Variants in SEC14L5 observed in about 807,000 individuals in gnomAD.
SEC14L5 encodes the protein SEC14 like lipid binding 5, also known as SEC14-like protein 5.
Under a neutral mutation model 84.6 loss-of-function variants are expected in SEC14L5, and 96 were observed. The ratio of observed to expected loss-of-function variants is 1.13; its 90% CI spans 0.96 to 1.34. The LOEUF is 1.34. Among genes scored for constraint, SEC14L5 ranks in the 40% most tolerant of loss-of-function variants. The pLI is 0.00. For synonymous variants in SEC14L5, 546 were observed against 383.4 expected (o/e 1.42, Z -4.95); for missense variants, 1,224 against 942.5 (o/e 1.30, Z -3.91).
At chr16:5,001,057 C>T in intron 10 of SEC14L5, 132 bp downstream of exon 10, 1 of 706,328 alleles carries the variant, frequency 1.4e-6, no homozygotes, top group Non-Finnish European at 2.4e-6. Context: ...CTACAGTGGT[C>T]TTCTGGGCCT....
intron 10 of SEC14L5, among the ~76,000 whole-genome samples, chr16:5,001,733 AG>A (rs1955680530): frequency 6.6e-6 from 1 of 151,920 alleles, no homozygotes; most frequent in Admixed American, 6.6e-5. Flanking sequence ...CCCCAAAGGC[AG>A]CAAACCTTTC....
intron 4 of SEC14L5, among the ~76,000 whole-genome samples, chr16:4,989,298 G>GTT (rs35333505): frequency 3.1e-4 from 44 of 142,026 alleles, no homozygotes; most frequent in Non-Finnish European, 6.1e-4. Flanking sequence ...CATTGTACGT[G>GTT]TTTTTTTTTT....
intron 6 of SEC14L5, among the ~76,000 whole-genome samples, chr16:4,993,959 T>G (rs2972266): frequency 1.4e-5 from 2 of 146,996 alleles, no homozygotes; most frequent in Admixed American, 1.4e-4. Context: ...GTTTAGTGAC[T>G]GTTTTCCTTT....
intron 7 of SEC14L5, among the ~76,000 whole-genome samples, 193 bp downstream of exon 7, chr16:4,996,653 C>A (rs146289404): frequency 6.6e-6 from 1 of 151,946 alleles, no homozygotes; most frequent in African/African-American, 2.4e-5. Flanking sequence ...CTCACTGCAA[C>A]CTTCGCCTCC....
intron 2 of SEC14L5, among the ~76,000 whole-genome samples, chr16:4,967,611 C>T (rs1032511094): frequency 1.6e-5 from 2 of 122,112 alleles, no homozygotes; most frequent in East Asian, 2.3e-4. Context: ...GTTGCTCTGT[C>T]GCCCAGACTA....
chr16:5,014,790 C>A, intron 15 of SEC14L5, 69 bp from the exon 16 acceptor site: 2 of 1,217,308 alleles, frequency 1.6e-6, no homozygotes, highest in Non-Finnish European at 2.4e-6. Context: ...AGCTTTTCCA[C>A]TGCTGTGTGT....
intron 2 of SEC14L5, among the ~76,000 whole-genome samples, chr16:4,961,271 T>TCAA (rs940125716): frequency 1.3e-5 from 2 of 151,428 alleles, no homozygotes; most frequent in Non-Finnish European, 2.9e-5. Context: ...AGACTCCGTC[T>TCAA]CAACAACAAC....
At chr16:5,013,270 G>C (rs1212676016) in intron 15 of SEC14L5, among the ~76,000 whole-genome samples, 2 of 152,226 alleles carry the variant, frequency 1.3e-5, no homozygotes, top group African/African-American at 4.8e-5. Context: ...AGCCTTGCCA[G>C]AGCACAGGAC....
intron 2 of SEC14L5, among the ~76,000 whole-genome samples, chr16:4,967,562 G>GTT (rs869061549): frequency 4.0e-4 from 15 of 37,062 alleles, no homozygotes; most frequent in Non-Finnish European, 6.0e-4. Context: ...TCTTTCTTTC[G>GTT]TTTTTTTTTT....
At chr16:4,965,662 A>C (rs1596612436) in intron 2 of SEC14L5, among the ~76,000 whole-genome samples, 1 of 12,782 alleles carries the variant, frequency 7.8e-5, no homozygotes. Context: ...CTCCATCTCA[A>C]AAAAAAAAAA....
rs1955873870 is a variant in SEC14L5 at position 5,016,238 on chromosome 16, G to A, written c.*1268G>A. 6.6e-6 allele frequency: 1 copy of A among 152,190 alleles called. No individual in the cohort carries two copies. The highest frequency in any genetic ancestry group is 2.4e-5 in the African/African-American group (1 of 41,440). 9.4% of individuals were successfully genotyped at this position (152,190 alleles called of 1,614,324 possible). On this transcript the variant is annotated 3_prime_UTR_variant, in exon 16 of 16. Coordinates refer to ENST00000251170, the MANE Select transcript of SEC14L5 (RefSeq NM_014692.2). ...GAGTTCCCCTAGTTACTACACAGGAGCGTCTTGGGTCTCCTTGGGGCCTGA... is the reference window on the plus strand; with the variant it reads ...GAGTTCCCCTAGTTACTACACAGGAACGTCTTGGGTCTCCTTGGGGCCTGA...
intron 14 of SEC14L5, among the ~76,000 whole-genome samples, chr16:5,009,054 C>T (rs996752269): frequency 5.3e-5 from 8 of 152,180 alleles, no homozygotes; most frequent in African/African-American, 1.9e-4. Flanking sequence ...CAGGAGTTCA[C>T]AAGTCCAAAA....
At chr16:4,992,162 G>A (rs1955560027) in intron 6 of SEC14L5, 132 bp downstream of exon 6, 2 of 570,670 alleles carry the variant, frequency 3.5e-6, no homozygotes, top group East Asian at 3.1e-5. Context: ...GTCTTGGAAC[G>A]ACACCGCCTC....
At position 4,958,413 on chromosome 16, in the gene SEC14L5, A is replaced by G. The variant is rs1415490375; in HGVS notation, c.-84A>G. The G allele has an allele frequency of 6.6e-6, 1 of 152,594 alleles. No individual in the cohort carries two copies. Among genetic ancestry groups the G allele is most frequent in the Admixed American group, 6.5e-5 (1 of 15,288 alleles). The allele number at this position is 152,594 out of a possible 1,614,324, so 9.5% of individuals were successfully genotyped here. ...CAGGGTGTTCAAGGCGGGACACACC[A>G]GGCTAGAGATCCGCGATCGGGCCCC... On this transcript the variant is annotated 5_prime_UTR_variant, in exon 1 of 16. Transcript: ENST00000251170.
At chr16:4,959,520 G>A in intron 2 of SEC14L5, 134 bp downstream of exon 2, 4 of 764,400 alleles carry the variant, frequency 5.2e-6, no homozygotes, top group Non-Finnish European at 9.1e-6. Context: ...TGACCTGGTG[G>A]GTTTAACTTC....
intron 15 of SEC14L5, among the ~76,000 whole-genome samples, chr16:5,011,983 G>T (rs775654078): frequency 6.6e-6 from 1 of 152,188 alleles, no homozygotes; most frequent in African/African-American, 2.4e-5. Flanking sequence ...ATCTGCACTG[G>T]TTTTCATCTA....
chr16:4,967,537 T>G (rs1324199579), intron 2 of SEC14L5, among the ~76,000 whole-genome samples: 1 of 150,100 alleles, frequency 6.7e-6, no homozygotes, highest in African/African-American at 2.5e-5. Context: ...CTTTCCGGAT[T>G]CTGGCTCTGA....
chr16:4,996,386 G>A lies in SEC14L5; in HGVS notation c.706G>A (p.Gly236Ser). The part of the protein sequence containing the change: ...LDADYIERCL[G>S]HLTPMQESCL... ...TGCGGACTACATTGAGAGGTGCCTG[G>A]GCCACCTCACGCCCATGCAGGAGAG... Residue 236 changes from glycine (G) to serine (S), a missense_variant, in exon 7 of 16, where the codon GGC (glycine) becomes AGC (serine). Gly to Ser is a moderately conservative substitution (Grantham distance 56). Transcript: ENST00000251170. 1.3e-6 allele frequency: 2 copies of A among 1,567,648 alleles called. No individual in the cohort carries two copies. The highest frequency in any genetic ancestry group is 1.7e-6 in the Non-Finnish European group (2 of 1,157,062).
intron 10 of SEC14L5, among the ~76,000 whole-genome samples, chr16:5,002,805 G>A (rs975170615): frequency 6.6e-6 from 1 of 152,214 alleles, no homozygotes; most frequent in East Asian, 1.9e-4. Context: ...GCAGAACTGG[G>A]ATTTGAACCT....
Sources: allele counts gnomAD v4.1 joint callset (sites outside exome capture counted in the v4.1 genomes callset), GRCh38; gene constraint gnomAD v4.1.1; transcripts MANE v1.5; gene names NCBI Gene and HGNC (gene_info 2026-07-23, HGNC 2026-07-21).